The following CPNE1 variants were observed in gnomAD, a reference collection of about 807,000 sequenced individuals.
The protein encoded by CPNE1 is copine 1.
Under a neutral mutation model 63.2 loss-of-function variants are expected in CPNE1, and 58 were observed. That is an observed-to-expected ratio of 0.92 (90% CI 0.74 to 1.14). The LOEUF (loss-of-function observed/expected upper bound fraction) is 1.14. Ranked by LOEUF, CPNE1 falls within the 50% of genes most tolerant of loss-of-function variation. CPNE1 has a pLI of 0.00. For missense variants in CPNE1, 672 were observed against 661.7 expected (o/e 1.02, Z -0.17); for synonymous variants, 237 against 249.0 (o/e 0.95, Z 0.45).
intron 1 of CPNE1, among the ~76,000 whole-genome samples, chr20:35,660,851 G>A (rs1400872572): frequency 2.6e-5 from 4 of 152,134 alleles, no homozygotes; most frequent in Admixed American, 6.5e-5. Context: ...AAAAGATACC[G>A]TATGTCTATC....
intron 1 of CPNE1, among the ~76,000 whole-genome samples, chr20:35,642,391 A>G (rs1007170451): frequency 1.3e-5 from 2 of 152,206 alleles, no homozygotes; most frequent in Non-Finnish European, 2.9e-5. Context: ...CCACTCCTTT[A>G]ATAAACCAAT....
chr20:35,664,237 A>G (rs181194441), intron 1 of CPNE1: 1 of 152,230 alleles, frequency 6.6e-6, no homozygotes, highest in Non-Finnish European at 1.5e-5. Context: ...AACTCACAGG[A>G]GTGTACCGAC....
intron 1 of CPNE1, chr20:35,658,820 C>T (rs2034062410): frequency 3.2e-6 from 2 of 623,046 alleles, no homozygotes; most frequent in East Asian, 2.8e-5. Flanking sequence ...CACACACACA[C>T]ACACACACAC....
intron 1 of CPNE1, among the ~76,000 whole-genome samples, chr20:35,640,347 T>C (rs2032732760): frequency 6.6e-6 from 1 of 152,208 alleles, no homozygotes; most frequent in Non-Finnish European, 1.5e-5. Context: ...ACCAGACTCA[T>C]GTATTTTTCA....
intron 1 of CPNE1, chr20:35,655,466 A>G: frequency 1.2e-6 from 1 of 804,604 alleles, no homozygotes; most frequent in Non-Finnish European, 1.9e-6. Flanking sequence ...ATCACAGGCA[A>G]TGTCTTTAAT....
At position 35,626,314 on chromosome 20, in the gene CPNE1, C is replaced by G; in HGVS notation, c.1541G>C (p.Arg514Thr). Residue 514 changes from arginine (R) to threonine (T), a missense_variant, in exon 16 of 16, where the codon AGG becomes ACG. Arg to Thr is a moderately conservative substitution (Grantham distance 71). Coordinates refer to ENST00000397443, the MANE Select transcript of CPNE1 (RefSeq NM_152925.3). ...CTTGAGCGGGGCCCAACCCTGGGCC[C>G]TGAAGTATGAGACCAGTTGTGTGGG... ...EVPTQLVSYF[R>T]AQGWAPLKPL... The G allele has an allele frequency of 6.2e-7, 1 of 1,614,048 alleles. No individual in the cohort carries two copies. The highest frequency in any genetic ancestry group is 8.5e-7 in the Non-Finnish European group (1 of 1,180,000).
intron 1 of CPNE1, among the ~76,000 whole-genome samples, chr20:35,663,753 G>A (rs1465170446): frequency 6.6e-6 from 1 of 152,128 alleles, no homozygotes; most frequent in Non-Finnish European, 1.5e-5. Flanking sequence ...CAAAAAGCCC[G>A]TACGTTTACA....
chr20:35,662,652 A>G (rs140194223), intron 1 of CPNE1, among the ~76,000 whole-genome samples: 334 of 152,354 alleles, frequency 2.2e-3, no homozygotes, highest in Non-Finnish European at 3.0e-3. Context: ...TCATACAATG[A>G]CAGAATGGCT....
intron 1 of CPNE1, chr20:35,652,684 T>G: frequency 6.2e-7 from 1 of 1,614,156 alleles, no homozygotes; most frequent in South Asian, 1.1e-5. Flanking sequence ...TGGGATTACT[T>G]GATAGCCATA....
intron 1 of CPNE1, among the ~76,000 whole-genome samples, chr20:35,647,596 T>G (rs1042754754): frequency 2.0e-5 from 3 of 152,094 alleles, no homozygotes; most frequent in African/African-American, 7.2e-5. Context: ...TTCCTCCTTC[T>G]GGACTCCAGT....
In CPNE1 at chr20:35,632,365, C is replaced by A; in HGVS notation, c.330G>T (p.Leu110=). Residue 110 remains leucine, a synonymous_variant, in exon 4 of 16, where the codon CTG becomes CTT. Coordinates refer to ENST00000397443, the MANE Select transcript of CPNE1 (RefSeq NM_152925.3). The part of the protein sequence containing the change: ...SLGQIVSSQV[L]TLPLMLKPGK... ...CAGGCTTCAGCATCAAGGGGAGAGT[C>A]AGTACCTGGCTGGACACAATCTGGG... 6.2e-7 allele frequency: 1 copy of A among 1,614,056 alleles called. No individual in the cohort carries two copies. Among genetic ancestry groups the A allele is most frequent in the South Asian group, 1.1e-5 (1 of 91,056 alleles).
intron 1 of CPNE1, among the ~76,000 whole-genome samples, chr20:35,659,883 GGAGA>G (rs1361608299): frequency 6.6e-6 from 1 of 151,782 alleles, no homozygotes; most frequent in Non-Finnish European, 1.5e-5. Context: ...GTTTTAATTC[GGAGA>G]GAGAAGAAAT....
intron 1 of CPNE1, among the ~76,000 whole-genome samples, chr20:35,637,904 G>A (rs1438834680): frequency 6.6e-6 from 1 of 152,084 alleles, no homozygotes; most frequent in Non-Finnish European, 1.5e-5. Flanking sequence ...CCACCTCAGG[G>A]CTTTTGCACT....
At chr20:35,656,204 CT>C (rs1382297855) in intron 1 of CPNE1, among the ~76,000 whole-genome samples, 2 of 152,126 alleles carry the variant, frequency 1.3e-5, no homozygotes, top group African/African-American at 4.8e-5. Flanking sequence ...TTATTTTCCC[CT>C]AGGAGAGGGC....
intron 1 of CPNE1, among the ~76,000 whole-genome samples, chr20:35,638,853 T>A (rs2032638967): frequency 6.6e-6 from 1 of 152,178 alleles, no homozygotes; most frequent in Admixed American, 6.5e-5. Context: ...AGTAAACAGA[T>A]TCCATTTATG....
chr20:35,647,169 C>T (rs1314194402), intron 1 of CPNE1, among the ~76,000 whole-genome samples: 1 of 151,948 alleles, frequency 6.6e-6, no homozygotes, highest in Non-Finnish European at 1.5e-5. Context: ...AAAAAATTAG[C>T]TGGGCATGGT....
chr20:35,652,831 G>T, intron 1 of CPNE1: 1 of 1,606,636 alleles, frequency 6.2e-7, no homozygotes, highest in Admixed American at 1.7e-5. Context: ...GCCGGGGCCG[G>T]GGCCGGGGCC....
At chr20:35,651,374 G>A (rs1174416535) in intron 1 of CPNE1, 1 of 152,192 alleles carries the variant, frequency 6.6e-6, no homozygotes, top group East Asian at 1.9e-4. Flanking sequence ...CTTGTACTCT[G>A]TATGAAGACT....
chr20:35,642,291 C>T (rs781499673), intron 1 of CPNE1, among the ~76,000 whole-genome samples: 9 of 152,186 alleles, frequency 5.9e-5, no homozygotes, highest in Non-Finnish European at 1.2e-4. Context: ...CCTGCAATTC[C>T]CAATTCCTTA....
Sources: gnomAD v4.1 joint callset for allele counts (sites outside exome capture counted in the v4.1 genomes callset) on GRCh38, gnomAD v4.1.1 for gene constraint, MANE v1.5 for transcripts, NCBI Gene and HGNC (gene_info 2026-07-23, HGNC 2026-07-21) for gene names.